Variants in SEMA5A observed in about 807,000 individuals in gnomAD.
SEMA5A encodes semaphorin-5A.
Under a neutral mutation model 135.5 loss-of-function variants are expected in SEMA5A, and 55 were observed. The observed-to-expected ratio is 0.41, with a 90% confidence interval of 0.33 to 0.51. The LOEUF is 0.51. Ranked by LOEUF, SEMA5A falls within the 20% of genes least tolerant of loss-of-function variation. The pLI is 0.37. For synonymous variants in SEMA5A, 580 were observed against 546.5 expected, an observed-to-expected ratio of 1.06 and a Z score of -0.85; for missense variants, 1,290 against 1,419.9, an observed-to-expected ratio of 0.91 and a Z score of 1.47.
At position 9,451,507 on chromosome 5, in the gene SEMA5A, A is replaced by G. The variant is rs372401851; in HGVS notation, c.-174-13655T>C. Among the ~76,000 whole-genome samples, 3 of 152,304 alleles carry G rather than the reference A, an allele frequency of 2.0e-5. No individual in the cohort carries two copies. The South Asian group carries it at 6.2e-4, about 32-fold the overall frequency. On this transcript the variant is annotated intron_variant, in intron 1 of 22. Coordinates refer to ENST00000382496, the MANE Select transcript of SEMA5A (RefSeq NM_003966.3). ...TCATGCCACTTTCCTAACTATTGTAAAAGAGCCATAGTCAGAAAAGTGGGG... is the reference window on the plus strand; with the variant it reads ...TCATGCCACTTTCCTAACTATTGTAGAAGAGCCATAGTCAGAAAAGTGGGG...
chr5:9,132,551 T>C (rs925847146), intron 13 of SEMA5A, among the ~76,000 whole-genome samples: 1 of 152,202 alleles, frequency 6.6e-6, no homozygotes, highest in African/African-American at 2.4e-5. Context: ...CGATGTGAAA[T>C]AAATTTCTGT....
At chr5:9,064,532 C>G (rs1737356353) in intron 17 of SEMA5A, among the ~76,000 whole-genome samples, 1 of 91,934 alleles carries the variant, frequency 1.1e-5, no homozygotes, top group South Asian at 4.2e-4. Flanking sequence ...CCTCAGCAAA[C>G]TAACACAAGA....
intron 2 of SEMA5A, among the ~76,000 whole-genome samples, chr5:9,403,055 TC>T (rs1266773563): frequency 6.6e-6 from 1 of 152,042 alleles, no homozygotes; most frequent in African/African-American, 2.4e-5. Context: ...CTCTTTATGC[TC>T]CAAATGCCAT....
chr5:9,456,493 G>C (rs374019654), intron 1 of SEMA5A, among the ~76,000 whole-genome samples: 86 of 152,094 alleles, frequency 5.7e-4, no homozygotes, highest in African/African-American at 2.0e-3. Context: ...AAAAAGGAAG[G>C]CTTCTTTGAG....
At chr5:9,346,464 T>C (rs1753872731) in intron 3 of SEMA5A, among the ~76,000 whole-genome samples, 1 of 152,200 alleles carries the variant, frequency 6.6e-6, no homozygotes, top group Non-Finnish European at 1.5e-5. Flanking sequence ...ACATTTAAGC[T>C]ATCTGCAGGC....
chr5:9,376,783 G>A (rs375242578), intron 3 of SEMA5A, among the ~76,000 whole-genome samples: 21 of 152,188 alleles, frequency 1.4e-4, no homozygotes, highest in African/African-American at 4.6e-4. Context: ...AAAGCCTGAC[G>A]GTGTACTCTG....
chr5:9,406,192 CA>C (rs1453581669), intron 2 of SEMA5A, among the ~76,000 whole-genome samples: 6 of 152,218 alleles, frequency 3.9e-5, no homozygotes, highest in African/African-American at 1.4e-4. Context: ...TGTCCAAACA[CA>C]AACATTTTCC....
At chr5:9,149,066 G>A (rs1742492077) in intron 12 of SEMA5A, among the ~76,000 whole-genome samples, 1 of 152,172 alleles carries the variant, frequency 6.6e-6, no homozygotes, top group Admixed American at 6.5e-5. Context: ...GATGTGGTGA[G>A]TAGACTCATT....
intron 12 of SEMA5A, among the ~76,000 whole-genome samples, chr5:9,137,972 C>A (rs531759172): frequency 6.6e-6 from 1 of 151,960 alleles, no homozygotes; most frequent in African/African-American, 2.4e-5. Flanking sequence ...AGGGAAAGAT[C>A]GATTTGAAGG....
rs754771615 is a variant in SEMA5A, at chr5:9,062,920, C to T, written c.2485G>A (p.Glu829Lys). ...GGMPCLGPSL[E>K]YQECNILPCP... Reference sequence around the variant, plus strand: ...GGCAAAATGTTGCATTCCTGGTATTCCAGAGATGGGCCAAGGCAAGGCATT... The same window carrying T: ...GGCAAAATGTTGCATTCCTGGTATTTCAGAGATGGGCCAAGGCAAGGCATT... Residue 829 changes from glutamate to lysine, a missense_variant, in exon 18 of 23, where the codon GAA (glutamate) becomes AAA (lysine). This residue lies in a region of SEMA5A where 1,029 missense variants were observed against 1,086.6 expected (regional missense o/e 0.95). Coordinates refer to ENST00000382496, the MANE Select transcript of SEMA5A (RefSeq NM_003966.3). The T allele has an allele frequency of 1.2e-6, 2 of 1,614,102 alleles. No individual in the cohort carries two copies. Among genetic ancestry groups the T allele is most frequent in the Non-Finnish European group, 1.7e-6 (2 of 1,180,038 alleles).
chr5:9,437,241 C>T (rs72729118), intron 2 of SEMA5A, among the ~76,000 whole-genome samples: 5,730 of 152,286 alleles, frequency 0.038, 162 homozygotes, highest in Non-Finnish European at 0.058. Context: ...TTCACGTCTT[C>T]GGGTTCCTGA....
chr5:9,215,336 T>G (rs1746556952), intron 8 of SEMA5A, among the ~76,000 whole-genome samples: 1 of 152,168 alleles, frequency 6.6e-6, no homozygotes, highest in Admixed American at 6.5e-5. Flanking sequence ...AGTGTTATAG[T>G]TTAACTGTAC....
At chr5:9,322,994 T>TG (rs1454470353) in intron 4 of SEMA5A, among the ~76,000 whole-genome samples, 21 of 152,356 alleles carry the variant, frequency 1.4e-4, no homozygotes, top group Non-Finnish European at 2.2e-4. Flanking sequence ...TTTTCACCTC[T>TG]GGGACTGTGA....
At chr5:9,381,477 A>G (rs1437297767) in intron 2 of SEMA5A, among the ~76,000 whole-genome samples, 4 of 152,136 alleles carry the variant, frequency 2.6e-5, no homozygotes, top group Admixed American at 2.0e-4. Context: ...AATACAACAG[A>G]AGTCATGTTG....
chr5:9,176,031 G>C (rs1744186529), intron 11 of SEMA5A, among the ~76,000 whole-genome samples: 1 of 152,216 alleles, frequency 6.6e-6, no homozygotes, highest in African/African-American at 2.4e-5. Flanking sequence ...GAATATGACA[G>C]TGTGTCACTC....
At chr5:9,196,767 C>T (rs1345230209) in intron 10 of SEMA5A, among the ~76,000 whole-genome samples, 3 of 152,226 alleles carry the variant, frequency 2.0e-5, no homozygotes, top group African/African-American at 7.2e-5. Context: ...CCAATTAGCG[C>T]TCTAATCCTG....
intron 4 of SEMA5A, among the ~76,000 whole-genome samples, chr5:9,337,018 G>A (rs1753421545): frequency 6.6e-6 from 1 of 152,166 alleles, no homozygotes; most frequent in African/African-American, 2.4e-5. Flanking sequence ...CAAGGATTAT[G>A]CAGGTTTTCT....
chr5:9,357,315 T>C (rs1448222188), intron 3 of SEMA5A, among the ~76,000 whole-genome samples: 1 of 152,162 alleles, frequency 6.6e-6, no homozygotes, highest in Non-Finnish European at 1.5e-5. Flanking sequence ...TGCTTAGGAA[T>C]ATGAAAGGGG....
At chr5:9,377,576 T>G (rs974968636) in intron 3 of SEMA5A, among the ~76,000 whole-genome samples, 1 of 151,762 alleles carries the variant, frequency 6.6e-6, no homozygotes, top group Admixed American at 6.6e-5. Context: ...ATTTTAAAGA[T>G]TTTTCAATAA....
Sources: gnomAD v4.1 joint callset for allele counts (sites outside exome capture counted in the v4.1 genomes callset) on GRCh38, gnomAD v4.1.1 for gene constraint, gnomAD v4.1.1 regional missense constraint, MANE v1.5 for transcripts, NCBI Gene and HGNC (gene_info 2026-07-23, HGNC 2026-07-21) for gene names.